TNXB: variants seen among roughly 807,000 people sequenced by gnomAD.
TNXB encodes tenascin-X.
TNXB carries 183 observed loss-of-function variants against 340.5 expected under a neutral mutation model. The ratio of observed to expected loss-of-function variants is 0.54; its 90% confidence interval spans 0.48 to 0.61. The LOEUF (loss-of-function observed/expected upper bound fraction) is 0.61, where lower values mean the gene tolerates loss of function less well. Ranked by LOEUF, TNXB falls within the 20% of genes least tolerant of loss-of-function variation. TNXB has a pLI of 0.00. For synonymous variants in TNXB, 2,121 were observed against 2,314.5 expected (o/e 0.92, Z 2.40); for missense variants, 4,613 against 5,446.4 (o/e 0.85, Z 4.82).
intron 4 of TNXB, among the ~76,000 whole-genome samples, chr6:32,091,952 CT>C (rs1288181846): frequency 9.2e-5 from 14 of 152,252 alleles, no homozygotes; most frequent in Admixed American, 9.2e-4. Flanking sequence ...CCAGTGAACA[CT>C]TAGCCTAGCC....
chr6:32,061,773 C>T lies in TNXB; in HGVS notation c.7169-53G>A, dbSNP rs551581511. 9.5e-6 allele frequency: 15 copies of T among 1,582,688 alleles called. No homozygotes were observed. The highest frequency in any genetic ancestry group is 3.5e-5 in the Admixed American group (2 of 57,120). ...GCAGGGTCCCTGGGGGATGTGCTTACGTCGTGGGGAAAAGGAGGGAGAAGG... is the reference window on the plus strand; with the variant it reads ...GCAGGGTCCCTGGGGGATGTGCTTATGTCGTGGGGAAAAGGAGGGAGAAGG... On this transcript the variant is annotated intron_variant, in intron 20 of 43. Transcript: ENST00000644971. This position sits in a 1 kb window ranked among gnomAD's most constrained non-coding sequence, Gnocchi z 4.4.
chr6:32,089,300 C>G lies in TNXB; in HGVS notation c.2438G>C (p.Gly813Ala). 2 of 1,608,160 alleles carry G rather than the reference C, an allele frequency of 1.2e-6. No homozygotes were observed. Among genetic ancestry groups the G allele is most frequent in the Non-Finnish European group, 1.7e-6 (2 of 1,178,276 alleles). The change falls in exon 5 of 44, where the codon GGA (glycine) becomes GCA (alanine). Residue 813 changes from glycine (G) to alanine (A), a missense_variant. Physicochemically the swap from Gly to Ala is moderately conservative, Grantham distance 60. Coordinates refer to ENST00000644971, the MANE Select transcript of TNXB (RefSeq NM_001365276.2). The surrounding 1 kb of genome is among the most constrained non-coding windows in gnomAD (Gnocchi z 6.2). The stretch of plus-strand genomic sequence containing the variant: ...TCGGACAGTGACCTGGTACTCCTGT[C>G]CAGGGGCCAGTCCTCTCTGGTCATA... ...SAYDQRGLAPGQEYQVTVRAL... is the reference protein window; with the variant it reads ...SAYDQRGLAPAQEYQVTVRAL...
rs775647752 is a variant in TNXB at position 32,073,673 on chromosome 6, C to T, written c.4655G>A (p.Gly1552Asp). 8.7e-6 allele frequency: 14 copies of T among 1,609,120 alleles called. No individual in the cohort carries two copies. The highest frequency in any genetic ancestry group is 1.3e-5 in the African/African-American group (1 of 74,854). Residue 1552 changes from glycine to aspartate, a missense_variant, in exon 12 of 44, where the codon GGC (glycine) becomes GAC (aspartate). Gly to Asp is a moderately conservative substitution (Grantham distance 94). Coordinates refer to ENST00000644971, the MANE Select transcript of TNXB (RefSeq NM_001365276.2). This position sits in a 1 kb window ranked among gnomAD's most constrained non-coding sequence, Gnocchi z 4.6. ...CGTCACGATGACCACAGACAGGGGG[C>T]CCATGCGTTGCCCATCATGTAGTCC... is the stretch of plus-strand genomic sequence containing the variant. ...MYGLHDGQRM[G>D]PLSVVIVTAP...
chr6:32,057,787 C>T (rs960783146), intron 22 of TNXB, among the ~76,000 whole-genome samples: 32 of 152,364 alleles, frequency 2.1e-4, no homozygotes, highest in African/African-American at 7.7e-4. Context: ...GCCTCAGGTC[C>T]TGGCTGTCCC....
In TNXB at chr6:32,096,387, C is replaced by A; in HGVS notation, c.1466G>T (p.Gly489Val). 1.3e-6 allele frequency: 2 copies of A among 1,569,528 alleles called. No homozygotes were observed. The highest frequency in any genetic ancestry group is 1.7e-6 in the Non-Finnish European group (2 of 1,165,246). The change falls in exon 3 of 44, where the codon GGC (glycine) becomes GTC (valine). Residue 489 changes from glycine to valine, a missense_variant. This residue lies in a region of TNXB where 4,327 missense variants were observed against 4,859.4 expected (regional missense o/e 0.89). Transcript: ENST00000644971. ...GRCMCWPGYTGRDCGTRACPG... is the reference protein window; with the variant it reads ...GRCMCWPGYTVRDCGTRACPG... ...ACAGGCGCGCGTGCCGCAGTCCCGG[C>A]CTGTGTACCCCGGCCAACACATGCA...
At position 32,096,171 on chromosome 6, in the gene TNXB, C is replaced by T. The variant is rs1286957166; in HGVS notation, c.1682G>A (p.Gly561Glu). The T allele has an allele frequency of 1.3e-6, 2 of 1,575,970 alleles. No individual in the cohort carries two copies. The highest frequency in any genetic ancestry group is 2.3e-5 in the East Asian group (1 of 42,576). Reference sequence around the variant, plus strand: ...GCACTGGCCGCGGCCTCGGCAGCCCCCGGGGCAGCTGCGCGTGCTGCAGTC... The same window carrying T: ...GCACTGGCCGCGGCCTCGGCAGCCCTCGGGGCAGCTGCGCGTGCTGCAGTC... ...GEDCSTRSCP[G>E]GCRGRGQCLD... Residue 561 changes from glycine to glutamate, a missense_variant, in exon 3 of 44, where the codon GGG (glycine) becomes GAG (glutamate). Physicochemically the swap from Gly to Glu is moderately conservative, Grantham distance 98 (BLOSUM62 -2). Transcript: ENST00000644971.
intron 3 of TNXB, 36 bp from the exon 4 acceptor site, chr6:32,095,227 C>T (rs1454088933): frequency 6.7e-7 from 1 of 1,502,552 alleles, no homozygotes; most frequent in Admixed American, 2.0e-5. Context: ...AGCTGGTTAG[C>T]ACAAGGCAAC....
rs185345204 is a variant in TNXB at position 32,084,089 on chromosome 6, C to A, written c.3445+324G>T. On this transcript the variant is annotated intron_variant, in intron 8 of 43. Coordinates refer to ENST00000644971, the MANE Select transcript of TNXB (RefSeq NM_001365276.2). The surrounding 1 kb of genome is among the most constrained non-coding windows in gnomAD (Gnocchi z 5.5). ...GCCCTCTAGGGGCCTTCGAATGAGG[C>A]CCAAGCCCCTCAGCACAGCACAGGA... is the stretch of plus-strand genomic sequence containing the variant. Among the ~76,000 whole-genome samples the A allele has an allele frequency of 1.6e-3, 240 of 152,294 alleles. No homozygotes were observed. The highest frequency in any genetic ancestry group is 2.9e-3 in the Non-Finnish European group (197 of 68,020).
chr6:32,092,336 A>G (rs1351086228), intron 4 of TNXB, among the ~76,000 whole-genome samples: 3 of 152,206 alleles, frequency 2.0e-5, no homozygotes, highest in African/African-American at 7.2e-5. Context: ...GGGAGAGGAG[A>G]AACTTTCTTC....
Position 32,085,524 on chromosome 6 carries a change from C to A in TNXB, c.3148+226G>T, listed in dbSNP as rs1002098810. The stretch of plus-strand genomic sequence containing the variant: ...ACCCTCGGCCTTTTTACCTCTGCCT[C>A]TTTCCCCTCTCCCCACCCATCCTTA... On this transcript the variant is annotated intron_variant, in intron 7 of 43. Coordinates refer to ENST00000644971, the MANE Select transcript of TNXB (RefSeq NM_001365276.2). The surrounding 1 kb of genome is among the most constrained non-coding windows in gnomAD (Gnocchi z 6.4). 6.6e-6 allele frequency among the ~76,000 whole-genome samples: 1 copy of A among 152,084 alleles called. No homozygotes were observed. Among genetic ancestry groups the A allele is most frequent in the African/African-American group, 2.4e-5 (1 of 41,394 alleles).
In TNXB at chr6:32,049,534, C is replaced by G. The variant is rs765598398; in HGVS notation, c.9493G>C (p.Glu3165Gln). Residue 3165 changes from glutamate (E) to glutamine (Q), a missense_variant, in exon 28 of 44, where the codon GAG becomes CAG. Around this residue, in one of 7 missense-constraint regions of TNXB, gnomAD observed 4,327 missense variants for 4,859.4 expected, o/e 0.89. Coordinates refer to ENST00000644971, the MANE Select transcript of TNXB (RefSeq NM_001365276.2). This position sits in a 1 kb window ranked among gnomAD's most constrained non-coding sequence, Gnocchi z 4.5. ...GTCAACTCCCCCAGGAGCGGCTCCT[C>G]AGGGGCCTCCGGGGCCTCAGTGCTG... ...EPSTEAPEAP[E>Q]EPLLGELTVT... The G allele has an allele frequency of 1.2e-6, 2 of 1,612,550 alleles. No homozygotes were observed. The highest frequency in any genetic ancestry group is 4.5e-5 in the East Asian group (2 of 44,880).
Position 32,067,717 on chromosome 6 carries a change from A to G in TNXB, c.6488T>C (p.Leu2163Pro). 3 of 1,613,868 alleles carry G rather than the reference A, an allele frequency of 1.9e-6. No individual in the cohort carries two copies. The highest frequency in any genetic ancestry group is 2.5e-6 in the Non-Finnish European group (3 of 1,179,854). The change falls in exon 18 of 44, where the codon CTG becomes CCG. Residue 2163 changes from leucine to proline, a missense_variant. By Grantham distance (98) the Leu-to-Pro change is moderately conservative. Around this residue, in one of 7 missense-constraint regions of TNXB, gnomAD observed 4,327 missense variants for 4,859.4 expected, o/e 0.89. Transcript: ENST00000644971. The surrounding 1 kb of genome is among the most constrained non-coding windows in gnomAD (Gnocchi z 4.2). ...LEPGRKYKMH[L>P]YGLHEGRRVG... is the part of the protein sequence containing the mutation. Reference sequence around the variant, plus strand: ...GCGCCGCCCCTCGTGGAGGCCGTACAGGTGCATCTTGTACTTGCGCCCAGG... The same window carrying G: ...GCGCCGCCCCTCGTGGAGGCCGTACGGGTGCATCTTGTACTTGCGCCCAGG...
At chr6:32,077,980 T>C (rs1779174830) in intron 11 of TNXB, among the ~76,000 whole-genome samples, 1 of 147,888 alleles carries the variant, frequency 6.8e-6, no homozygotes, top group Non-Finnish European at 1.5e-5. Flanking sequence ...TGAGCCAAGA[T>C]TGCACCACTG....
At position 32,096,988 on chromosome 6, in the gene TNXB, G is replaced by A. The variant is rs1193300219; in HGVS notation, c.865C>T (p.Arg289Cys). The change falls in exon 3 of 44, where the codon CGC (arginine) becomes TGC (cysteine). Residue 289 changes from arginine to cysteine, a missense_variant. Arg to Cys is a radical substitution (Grantham distance 180). This residue lies in a region of TNXB where 4,327 missense variants were observed against 4,859.4 expected (regional missense o/e 0.89). Coordinates refer to ENST00000644971, the MANE Select transcript of TNXB (RefSeq NM_001365276.2). ...SCPRGCSQRG[R>C]CENGRCVCNP... ...CACACGCAGCGCCCATTCTCACAGC[G>A]CCCCCTCTGACTGCAACCGCGAGGG... 1 of 1,612,910 alleles carries A rather than the reference G, an allele frequency of 6.2e-7. No individual in the cohort carries two copies.
At chr6:32,101,946 ACTCCTGGCCTCAAGCAATC>A (rs1402667910) in intron 1 of TNXB, among the ~76,000 whole-genome samples, 3 of 151,336 alleles carry the variant, frequency 2.0e-5, no homozygotes, top group African/African-American at 7.3e-5. Context: ...CTGGCCTTGA[ACTCCTGGCCTCAAGCAATC>A]CTCCTGCCTC....
Position 32,064,820 on chromosome 6 carries a change from C to T in TNXB, c.6841+1G>A. On this transcript the variant is annotated splice_donor_variant, in intron 19 of 43. Transcript: ENST00000644971. LOFTEE classifies it high-confidence loss of function. The surrounding 1 kb of genome is among the most constrained non-coding windows in gnomAD (Gnocchi z 5.3). Reference sequence around the variant, plus strand: ...GGCCCAGTGCCCTACTGCACACTCACCAGTTAAACCAACAGCAGACACGGG... The same window carrying T: ...GGCCCAGTGCCCTACTGCACACTCATCAGTTAAACCAACAGCAGACACGGG... 6.2e-7 allele frequency: 1 copy of T among 1,609,564 alleles called. No individual in the cohort carries two copies.
At position 32,083,042 on chromosome 6, in the gene TNXB, C is replaced by T. The variant is rs1779567476; in HGVS notation, c.3446-716G>A. The stretch of plus-strand genomic sequence containing the variant: ...GCCATGTCCTCACCTCCACCACCCT[C>T]CCGATCCAGCTCCACCCCTCCACCA... On this transcript the variant is annotated intron_variant, in intron 8 of 43. Transcript: ENST00000644971. The surrounding 1 kb of genome is among the most constrained non-coding windows in gnomAD (Gnocchi z 4.6). Among the ~76,000 whole-genome samples, 1 of 152,192 alleles carries T rather than the reference C, an allele frequency of 6.6e-6. No homozygotes were observed. The highest frequency in any genetic ancestry group is 1.5e-5 in the Non-Finnish European group (1 of 68,024).
intron 29 of TNXB, 136 bp from the exon 30 acceptor site, chr6:32,048,148 G>A (rs1777020945): frequency 1.6e-6 from 2 of 1,224,560 alleles, no homozygotes; most frequent in Admixed American, 2.4e-5. Flanking sequence ...TAAAAGAGGA[G>A]CCAGACAAGA....
rs752737789 is a variant in TNXB at position 32,097,926 on chromosome 6, G to A, written c.273C>T (p.Thr91=). Residue 91 remains threonine, a synonymous_variant, in exon 2 of 44, where the codon ACC becomes ACT. Coordinates refer to ENST00000644971, the MANE Select transcript of TNXB (RefSeq NM_001365276.2). This position sits in a 1 kb window ranked among gnomAD's most constrained non-coding sequence, Gnocchi z 5.9. The part of the protein sequence containing the change: ...PSTGCGCPPG[T]EPPVLASEVQ... ...CCTCTGAAGCAAGGACTGGGGGCTC[G>A]GTGCCTGGGGGACAGCCACAGCCAG... 31 of 1,590,210 alleles carry A rather than the reference G, an allele frequency of 1.9e-5. No individual in the cohort carries two copies. The highest frequency in any genetic ancestry group is 1.8e-4 in the South Asian group (16 of 88,984).
Sources: gnomAD v4.1 joint callset for allele counts (sites outside exome capture counted in the v4.1 genomes callset) on GRCh38, gnomAD v4.1.1 for gene constraint, gnomAD v4.1.1 regional missense constraint, Gnocchi (gnomAD v3.1) non-coding constraint, MANE v1.5 for transcripts, NCBI Gene and HGNC (gene_info 2026-07-23, HGNC 2026-07-21) for gene names.